Variants in NBEAL1 observed in about 807,000 individuals in gnomAD.
NBEAL1 encodes the protein neurobeachin-like protein 1.
In NBEAL1, 273 loss-of-function variants were observed where a neutral mutation model predicts 351.3. That is an observed-to-expected ratio of 0.78 (90% confidence interval 0.70 to 0.86). The LOEUF (loss-of-function observed/expected upper bound fraction) is 0.86, where lower values mean the gene tolerates loss of function less well. Among genes scored for constraint, NBEAL1 ranks in the 40% least tolerant of loss-of-function variants. The pLI is 0.00. For missense variants in NBEAL1, 2,961 were observed against 3,201.3 expected (o/e 0.92, Z 1.81); for synonymous variants, 1,050 against 1,086.4 (o/e 0.97, Z 0.66).
intron 17 of NBEAL1, among the ~76,000 whole-genome samples, chr2:203,113,982 G>C (rs1225519572): frequency 1.3e-5 from 2 of 151,870 alleles, no homozygotes; most frequent in African/African-American, 2.4e-5. Context: ...CCACCATGCC[G>C]GGCTAATTTT....
chr2:203,129,043 A>G (rs2063012929), intron 24 of NBEAL1, among the ~76,000 whole-genome samples: 2 of 152,198 alleles, frequency 1.3e-5, no homozygotes, highest in Admixed American at 1.3e-4. Flanking sequence ...CCCCTAACCA[A>G]CTTTACCTGA....
chr2:203,094,158 A>G (rs1412493276), intron 10 of NBEAL1, among the ~76,000 whole-genome samples: 1 of 152,206 alleles, frequency 6.6e-6, no homozygotes, highest in East Asian at 1.9e-4. Context: ...CCATTGTAAT[A>G]TATAATTTTC....
intron 18 of NBEAL1, among the ~76,000 whole-genome samples, chr2:203,119,923 A>T (rs762961449): frequency 6.6e-6 from 1 of 152,186 alleles, no homozygotes; most frequent in Non-Finnish European, 1.5e-5. Context: ...AAAATAGTCA[A>T]CAGTTTTTTT....
chr2:203,150,302 A>G (rs561139565), intron 34 of NBEAL1, among the ~76,000 whole-genome samples: 34 of 152,114 alleles, frequency 2.2e-4, no homozygotes, highest in Non-Finnish European at 4.0e-4. Flanking sequence ...TTTCCTAATG[A>G]TTAATGATGT....
At chr2:203,196,369 ATCCTCGTAAGAGGTATT>A (rs766770764) in intron 47 of NBEAL1, among the ~76,000 whole-genome samples, 7 of 152,198 alleles carry the variant, frequency 4.6e-5, no homozygotes, top group Non-Finnish European at 7.3e-5. Context: ...ATCCCTTTTC[ATCCTCGTAAGAGGTATT>A]TCCCCATGTA....
intron 45 of NBEAL1, 109 bp from the exon 46 acceptor site, chr2:203,190,157 TGTACACACACACACACACACACACAC>T: frequency 2.5e-6 from 1 of 402,964 alleles, no homozygotes; most frequent in Non-Finnish European, 4.1e-6. Context: ...AAAAGATGTG[TGTACACACACACACACACACACACAC>T]ACACACACAC....
chr2:203,061,516 A>G (rs1476925002), intron 6 of NBEAL1: 1 of 152,510 alleles, frequency 6.6e-6, no homozygotes, highest in Non-Finnish European at 1.5e-5. Context: ...CATGTCGTCA[A>G]AGGGAACTGG....
chr2:203,172,904 G>A, intron 41 of NBEAL1, 51 bp downstream of exon 41: 1 of 1,505,210 alleles, frequency 6.6e-7, no homozygotes, highest in South Asian at 1.4e-5. Context: ...CTTTGAATTT[G>A]TATTGATTTT....
At chr2:203,023,874 C>A (rs2060809350) in intron 2 of NBEAL1, among the ~76,000 whole-genome samples, 1 of 152,092 alleles carries the variant, frequency 6.6e-6, no homozygotes, top group Non-Finnish European at 1.5e-5. Context: ...CCCTGAAGAA[C>A]ATTGTCATTT....
chr2:203,018,910 C>G (rs1237095361), intron 2 of NBEAL1, among the ~76,000 whole-genome samples: 2 of 152,090 alleles, frequency 1.3e-5, no homozygotes, highest in Non-Finnish European at 2.9e-5. Context: ...GATCAATGTT[C>G]TTACTTTCCT....
chr2:203,206,674 G>A (rs2065580965), intron 51 of NBEAL1, among the ~76,000 whole-genome samples: 1 of 152,028 alleles, frequency 6.6e-6, no homozygotes. Flanking sequence ...GCCAGCCTCG[G>A]CCTCCCGAGG....
intron 2 of NBEAL1, among the ~76,000 whole-genome samples, chr2:203,022,572 G>A (rs1486535909): frequency 6.6e-6 from 1 of 151,982 alleles, no homozygotes; most frequent in Non-Finnish European, 1.5e-5. Flanking sequence ...TTACATATCT[G>A]TCAAAATTTT....
At position 203,084,579 on chromosome 2, in the gene NBEAL1, T is replaced by C. The variant is rs138113361; in HGVS notation, c.1098+10T>C. 3 of 1,427,808 alleles carry C rather than the reference T, an allele frequency of 2.1e-6. No individual in the cohort carries two copies. Among genetic ancestry groups the C allele is most frequent in the Admixed American group, 2.7e-5 (1 of 37,456 alleles). 88.4% of individuals were successfully genotyped at this position (1,427,808 alleles called of 1,614,324 possible). A position where few individuals can be genotyped will look rare whatever the true frequency, so the allele number is the denominator to read the frequency against. On this transcript the variant is annotated intron_variant, in intron 10 of 55. Coordinates refer to ENST00000683969, the MANE Select transcript of NBEAL1 (RefSeq NM_001378026.1). ...GCTACAGAACTGCAAGGTATTTTTC[T>C]ATTATTGTTGTTGTCTTTGATTTTA...
At chr2:203,039,281 CT>C (rs1319408506) in intron 2 of NBEAL1, among the ~76,000 whole-genome samples, 5 of 45,426 alleles carry the variant, frequency 1.1e-4, no homozygotes, top group Admixed American at 4.5e-4. Context: ...CTTCCCTTCC[CT>C]TTCGCTTCCC....
At chr2:203,048,556 G>T (rs926156466) in intron 3 of NBEAL1, among the ~76,000 whole-genome samples, 1 of 152,072 alleles carries the variant, frequency 6.6e-6, no homozygotes, top group Admixed American at 6.6e-5. Context: ...GTGCTCATCT[G>T]CGTAGCCCAC....
At chr2:203,028,669 A>T (rs903027052) in intron 2 of NBEAL1, among the ~76,000 whole-genome samples, 5 of 151,432 alleles carry the variant, frequency 3.3e-5, no homozygotes, top group Non-Finnish European at 7.4e-5. Context: ...ATGTTAATAT[A>T]TTTAATACAT....
chr2:203,040,636 C>CT (rs756795251), intron 2 of NBEAL1: 21 of 670,472 alleles, frequency 3.1e-5, no homozygotes, highest in Non-Finnish European at 5.8e-5. Flanking sequence ...TGAGGAGCAC[C>CT]TGGAGAAGTT....
At position 203,213,537 on chromosome 2, in the gene NBEAL1, C is replaced by G. The variant is rs774359999; in HGVS notation, c.7954C>G (p.Pro2652Ala). 1 of 1,612,934 alleles carries G rather than the reference C, an allele frequency of 6.2e-7. No homozygotes were observed. The highest frequency in any genetic ancestry group is 1.1e-5 in the South Asian group (1 of 90,856). The part of the protein sequence containing the change: ...DLHSLNLSIN[P>A]LAMRLPIHCV... ...TTCTAGCTTGAATCTCAGCATCAAC[C>G]CATTAGCCATGCGACTGCCTATCCA... The change falls in exon 55 of 56, where the codon CCA becomes GCA. Residue 2652 changes from proline (P) to alanine (A), a missense_variant. Pro to Ala is a conservative substitution (Grantham distance 27). Coordinates refer to ENST00000683969, the MANE Select transcript of NBEAL1 (RefSeq NM_001378026.1).
intron 8 of NBEAL1, 51 bp downstream of exon 8, chr2:203,077,888 A>T (rs2061805195): frequency 1.0e-6 from 1 of 996,092 alleles, no homozygotes; most frequent in Non-Finnish European, 1.4e-6. Context: ...AACAGTGCAA[A>T]AAGCTTTCCA....
Sources: allele counts gnomAD v4.1 joint callset (sites outside exome capture counted in the v4.1 genomes callset), GRCh38; gene constraint gnomAD v4.1.1; transcripts MANE v1.5; gene names NCBI Gene and HGNC (gene_info 2026-07-23, HGNC 2026-07-21).